DZIP3: variants seen among roughly 807,000 people sequenced by gnomAD.
DZIP3 encodes the protein DAZ interacting zinc finger protein 3, also known as E3 ubiquitin-protein ligase DZIP3.
DZIP3 carries 118 observed loss-of-function variants against 162.0 expected under a neutral mutation model. The observed-to-expected ratio is 0.73, with a 90% CI of 0.63 to 0.85. DZIP3 has a LOEUF of 0.85. Ranked by LOEUF, DZIP3 falls within the 40% of genes least tolerant of loss-of-function variation. The pLI is 0.00. For missense variants in DZIP3, 1,331 were observed against 1,407.0 expected, an observed-to-expected ratio of 0.95 and a Z score of 0.86; for synonymous variants, 438 against 458.6, an observed-to-expected ratio of 0.96 and a Z score of 0.57.
Position 108,672,092 on chromosome 3 carries a change from G to C in DZIP3, c.2493-468G>C, listed in dbSNP as rs547492610. On this transcript the variant is annotated intron_variant, in intron 22 of 32. Transcript: ENST00000361582. Reference sequence around the variant, plus strand: ...TATAACTTCACATAGCAGAAGGCAGGCAAGGAAGCTCTCTCAGGCCTTTTT... The same window carrying C: ...TATAACTTCACATAGCAGAAGGCAGCCAAGGAAGCTCTCTCAGGCCTTTTT... 3.3e-5 allele frequency among the ~76,000 whole-genome samples: 5 copies of C among 152,052 alleles called. No individual in the cohort carries two copies. In the South Asian group the frequency reaches 1.0e-3, roughly 32 times the overall value.
At chr3:108,646,763 C>A in intron 15 of DZIP3, 114 bp downstream of exon 15, 1 of 807,856 alleles carries the variant, frequency 1.2e-6, no homozygotes, top group Non-Finnish European at 1.9e-6. Flanking sequence ...AGAACTTGGG[C>A]CAGGCGCAGT....
intron 7 of DZIP3, 66 bp from the exon 8 acceptor site, chr3:108,628,996 C>G (rs1332726790): frequency 2.1e-6 from 2 of 962,376 alleles, no homozygotes; most frequent in African/African-American, 1.7e-5. Flanking sequence ...TATTTGTTGT[C>G]TCATTGGTAA....
chr3:108,670,674 A>G (rs1943894768), intron 22 of DZIP3, among the ~76,000 whole-genome samples: 1 of 151,848 alleles, frequency 6.6e-6, no homozygotes, highest in Admixed American at 6.6e-5. Context: ...AGTCAACTTT[A>G]TGTTTAACTT....
chr3:108,669,168 A>T (rs1234962189), intron 21 of DZIP3, among the ~76,000 whole-genome samples: 1 of 151,958 alleles, frequency 6.6e-6, no homozygotes, highest in Non-Finnish European at 1.5e-5. Flanking sequence ...CCCCCAGGTG[A>T]TAATTCATAG....
chr3:108,674,002 TTGAGA>T, intron 23 of DZIP3, 71 bp from the exon 24 acceptor site: 1 of 1,111,038 alleles, frequency 9.0e-7, no homozygotes, highest in South Asian at 1.3e-5. Flanking sequence ...TTAAATTTAC[TTGAGA>T]TGATTGAGAA....
chr3:108,622,912 A>C, intron 5 of DZIP3, among the ~76,000 whole-genome samples: 1 of 117,864 alleles, frequency 8.5e-6, no homozygotes, highest in Admixed American at 1.0e-4. Context: ...AGCTGCCTGG[A>C]GCTGGGGGAG....
intron 6 of DZIP3, 47 bp from the exon 7 acceptor site, chr3:108,625,798 A>T: frequency 6.6e-7 from 1 of 1,515,766 alleles, no homozygotes; most frequent in Non-Finnish European, 8.8e-7. Context: ...GTAAAAAAAA[A>T]AAAAATGACT....
chr3:108,611,953 C>T (rs1204287631), intron 4 of DZIP3, among the ~76,000 whole-genome samples: 2 of 113,276 alleles, frequency 1.8e-5, no homozygotes, highest in Admixed American at 8.9e-5. Flanking sequence ...GACAGAGCAA[C>T]ACTCTGTCTC....
intron 19 of DZIP3, among the ~76,000 whole-genome samples, chr3:108,655,310 A>C (rs771171144): frequency 6.6e-6 from 1 of 152,208 alleles, no homozygotes; most frequent in Admixed American, 6.5e-5. Flanking sequence ...TTAAACTCAG[A>C]TGATACAGTG....
intron 21 of DZIP3, among the ~76,000 whole-genome samples, chr3:108,664,417 G>GT (rs1943582582): frequency 6.6e-6 from 1 of 152,212 alleles, no homozygotes; most frequent in South Asian, 2.1e-4. Context: ...AGTGTTGGCA[G>GT]TAGTAAGCAA....
At chr3:108,615,100 G>C (rs1940932224) in intron 4 of DZIP3, among the ~76,000 whole-genome samples, 1 of 152,210 alleles carries the variant, frequency 6.6e-6, no homozygotes, top group Admixed American at 6.5e-5. Context: ...GCTGAAGGCT[G>C]TGCCACAACT....
chr3:108,639,879 C>T (rs991751252), intron 12 of DZIP3, among the ~76,000 whole-genome samples: 3 of 151,528 alleles, frequency 2.0e-5, no homozygotes, highest in Non-Finnish European at 2.9e-5. Context: ...ATCATTGATT[C>T]GAGACCTTTG....
intron 4 of DZIP3, among the ~76,000 whole-genome samples, chr3:108,614,690 T>A (rs930634840): frequency 6.6e-6 from 1 of 152,122 alleles, no homozygotes; most frequent in African/African-American, 2.4e-5. Context: ...GGAATTAATA[T>A]TCCCCCATCA....
intron 1 of DZIP3, among the ~76,000 whole-genome samples, chr3:108,595,332 C>T (rs147342215): frequency 5.3e-4 from 81 of 152,254 alleles, no homozygotes; most frequent in African/African-American, 1.8e-3. Context: ...AATCCTCCCA[C>T]TTTAGCCTCT....
chr3:108,631,451 A>G (rs935549565), intron 8 of DZIP3, among the ~76,000 whole-genome samples: 4 of 151,710 alleles, frequency 2.6e-5, no homozygotes, highest in Non-Finnish European at 5.9e-5. Context: ...ATCATAGTTC[A>G]CTGCAGCCTC....
intron 7 of DZIP3, among the ~76,000 whole-genome samples, chr3:108,626,316 G>A (rs1328536516): frequency 6.6e-6 from 1 of 152,134 alleles, no homozygotes; most frequent in Non-Finnish European, 1.5e-5. Flanking sequence ...ACTAATAATA[G>A]TGTAGGGTTC....
intron 21 of DZIP3, 52 bp from the exon 22 acceptor site, chr3:108,669,629 T>A (rs373527489): frequency 6.5e-7 from 1 of 1,542,750 alleles, no homozygotes; most frequent in East Asian, 2.3e-5. Context: ...TCTGACTGTG[T>A]TAATGAGAAA....
chr3:108,636,753 C>A, intron 11 of DZIP3, 45 bp downstream of exon 11: 1 of 1,360,570 alleles, frequency 7.3e-7, no homozygotes, highest in East Asian at 2.4e-5. Context: ...TGCTTTCCTT[C>A]CTTGGAAAAA....
intron 21 of DZIP3, among the ~76,000 whole-genome samples, 200 bp downstream of exon 21, chr3:108,662,457 A>G (rs1476267590): frequency 6.6e-6 from 1 of 152,216 alleles, no homozygotes; most frequent in East Asian, 1.9e-4. Context: ...CACACTATAT[A>G]TCAAGCTTTT....
Sources: gnomAD v4.1 joint callset for allele counts (sites outside exome capture counted in the v4.1 genomes callset) on GRCh38, gnomAD v4.1.1 for gene constraint, MANE v1.5 for transcripts, NCBI Gene and HGNC (gene_info 2026-07-23, HGNC 2026-07-21) for gene names.